Variants in SLC46A3 observed in about 807,000 individuals in gnomAD.
SLC46A3 encodes the protein lysosomal proton-coupled steroid conjugate and bile acid symporter SLC46A3.
A neutral mutation model predicts 38.5 loss-of-function variants in SLC46A3; 26 were observed. The ratio of observed to expected loss-of-function variants is 0.68; its 90% CI spans 0.49 to 0.94. The LOEUF is 0.94. Among genes scored for constraint, SLC46A3 ranks in the 40% least tolerant of loss-of-function variants. The pLI is 0.00. For missense variants in SLC46A3, 510 were observed against 544.3 expected, an observed-to-expected ratio of 0.94 and a Z score of 0.63; for synonymous variants, 185 against 192.5, an observed-to-expected ratio of 0.96 and a Z score of 0.32.
chr13:28,718,106 G>A, intron 1 of SLC46A3, 84 bp from the exon 2 acceptor site: 3 of 1,140,292 alleles, frequency 2.6e-6, no homozygotes, highest in South Asian at 3.1e-5. Context: ...GAGCAATTTT[G>A]TGGAGTAAAT....
At chr13:28,715,192 C>A (rs1885493591) in intron 2 of SLC46A3, among the ~76,000 whole-genome samples, 1 of 152,152 alleles carries the variant, frequency 6.6e-6, no homozygotes, top group Non-Finnish European at 1.5e-5. Flanking sequence ...GGTCTAAGAG[C>A]ACCAACTTTA....
intron 2 of SLC46A3, among the ~76,000 whole-genome samples, chr13:28,714,651 A>G (rs1488169514): frequency 6.6e-6 from 1 of 152,260 alleles, no homozygotes; most frequent in African/African-American, 2.4e-5. Flanking sequence ...TGGGAGGCTG[A>G]GGCAGAAGAA....
chr13:28,704,161 A>T (rs1204807975), intron 4 of SLC46A3, 62 bp from the exon 5 acceptor site: 1 of 1,437,854 alleles, frequency 7.0e-7, no homozygotes, highest in East Asian at 2.3e-5. Context: ...AACAACAAAC[A>T]CAAACTAATG....
rs1368493228 is a variant in SLC46A3, at chr13:28,713,132, A to G, written c.608T>C (p.Ile203Thr). 1 of 1,613,864 alleles carries G rather than the reference A, an allele frequency of 6.2e-7. No individual in the cohort carries two copies. Among genetic ancestry groups the G allele is most frequent in the Non-Finnish European group, 8.5e-7 (1 of 1,179,950 alleles). Reference protein sequence around the residue: ...ELGFEWSFLIIAVSLAVNLIY... With the variant: ...ELGFEWSFLITAVSLAVNLIY... ...CAAATTAACAGCAAGAGACACAGCA[A>G]TAATTAGAAACGACCACTCAAAACC... Residue 203 changes from isoleucine (I) to threonine (T), a missense_variant, in exon 3 of 6, where the codon ATT becomes ACT. Transcript: ENST00000266943.
chr13:28,716,524 G>A (rs1214376876), intron 2 of SLC46A3, among the ~76,000 whole-genome samples: 4 of 152,024 alleles, frequency 2.6e-5, no homozygotes, highest in Non-Finnish European at 5.9e-5. Context: ...TGAGCCGATC[G>A]AAGCTTCTCA....
chr13:28,717,400 G>A (rs573251530), intron 2 of SLC46A3, among the ~76,000 whole-genome samples: 1 of 151,482 alleles, frequency 6.6e-6, no homozygotes, highest in Non-Finnish European at 1.5e-5. Context: ...GAAGAATAGA[G>A]CAAGTGAGAG....
Position 28,717,858 on chromosome 13 carries a change from A to G in SLC46A3, c.141T>C (p.Ile47=), listed in dbSNP as rs756444146. The change falls in exon 2 of 6, where the codon ATT becomes ATC. Residue 47 remains isoleucine, a synonymous_variant. Transcript: ENST00000266943. The stretch of plus-strand genomic sequence containing the variant: ...TGCTTTTGTTTTTTTCACACTCAGA[A>G]ATATTGCTATCAGATGAAAAAGTGT... ...GNYTFSSDSN[I]SECEKNKSSP... 5.6e-6 allele frequency: 9 copies of G among 1,613,984 alleles called. No individual in the cohort carries two copies. The Admixed American group carries it at 1.0e-4, about 18-fold the overall frequency.
intron 3 of SLC46A3, among the ~76,000 whole-genome samples, chr13:28,711,217 G>T (rs1033194376): frequency 1.3e-5 from 2 of 152,118 alleles, no homozygotes; most frequent in African/African-American, 4.8e-5. Flanking sequence ...CTGAGTTCGG[G>T]AGTTCGAGAC....
chr13:28,707,100 C>T (rs1242809784), intron 4 of SLC46A3, among the ~76,000 whole-genome samples: 6 of 152,044 alleles, frequency 3.9e-5, no homozygotes, highest in Non-Finnish European at 5.9e-5. Context: ...CACATGCACA[C>T]GTATGTTTAT....
chr13:28,708,097 G>A (rs1406058813), intron 4 of SLC46A3, among the ~76,000 whole-genome samples: 1 of 152,158 alleles, frequency 6.6e-6, no homozygotes, highest in Non-Finnish European at 1.5e-5. Context: ...ATGAACATTT[G>A]CATAGGTTTC....
chr13:28,708,404 C>G (rs1885238799), intron 4 of SLC46A3, among the ~76,000 whole-genome samples: 1 of 152,148 alleles, frequency 6.6e-6, no homozygotes, highest in Non-Finnish European at 1.5e-5. Flanking sequence ...CTAATGATAT[C>G]CAGCATTTTC....
chr13:28,701,007 C>G lies in SLC46A3; in HGVS notation c.*490G>C, dbSNP rs1593183009. The stretch of plus-strand genomic sequence containing the variant: ...TAGGTAAAATCATACATATTTGAAA[C>G]TTATATCATTATTTTCCTACCAATG... On this transcript the variant is annotated 3_prime_UTR_variant, in exon 6 of 6. Transcript: ENST00000266943. 4.6e-6 allele frequency: 7 copies of G among 1,525,108 alleles called. No individual in the cohort carries two copies. The East Asian group carries it at 1.7e-4, about 38-fold the overall frequency. The allele number at this position is 1,525,108 out of a possible 1,614,324, so 94.5% of individuals were successfully genotyped here.
At chr13:28,710,465 G>A (rs1002152855) in intron 4 of SLC46A3, among the ~76,000 whole-genome samples, 5 of 152,238 alleles carry the variant, frequency 3.3e-5, no homozygotes, top group Admixed American at 3.3e-4. Context: ...AGTCTAGAAG[G>A]AAGGAGATGT....
chr13:28,707,399 G>A lies in SLC46A3; in HGVS notation c.1145-3300C>T, dbSNP rs1593186418. On this transcript the variant is annotated intron_variant, in intron 4 of 5. Coordinates refer to ENST00000266943, the MANE Select transcript of SLC46A3 (RefSeq NM_181785.4). Reference sequence around the variant, plus strand: ...GGAACATCACACACCGGGGCCTGTCGTGGAGTGGGGGGAGGGAGGAGGGGG... The same window carrying A: ...GGAACATCACACACCGGGGCCTGTCATGGAGTGGGGGGAGGGAGGAGGGGG... 2.3e-5 allele frequency among the ~76,000 whole-genome samples: 3 copies of A among 131,346 alleles called. No individual in the cohort carries two copies. In the East Asian group the frequency reaches 6.9e-4, roughly 30 times the overall value. 86.2% of individuals were successfully genotyped at this position (131,346 alleles called of 152,430 possible). A position where few individuals can be genotyped will look rare whatever the true frequency, so the allele number is the denominator to read the frequency against.
chr13:28,713,909 CA>C (rs1354748462), intron 2 of SLC46A3, among the ~76,000 whole-genome samples: 1 of 152,090 alleles, frequency 6.6e-6, no homozygotes, highest in Non-Finnish European at 1.5e-5. Flanking sequence ...TAATTTTATA[CA>C]ATATTTTAAA....
chr13:28,713,604 A>G (rs1271650184), intron 2 of SLC46A3, 54 bp from the exon 3 acceptor site: 12 of 1,514,904 alleles, frequency 7.9e-6, no homozygotes, highest in African/African-American at 1.4e-5. Context: ...CACAACGTGT[A>G]TAAAAATATC....
intron 5 of SLC46A3, among the ~76,000 whole-genome samples, chr13:28,703,315 G>A (rs1184722870): frequency 3.3e-5 from 5 of 152,162 alleles, no homozygotes; most frequent in Admixed American, 3.3e-4. Context: ...GAATCCATGT[G>A]AAAGTCAATC....
intron 4 of SLC46A3, among the ~76,000 whole-genome samples, chr13:28,710,466 AAGG>A (rs759956293): frequency 2.0e-5 from 3 of 152,204 alleles, no homozygotes; most frequent in Non-Finnish European, 4.4e-5. Flanking sequence ...GTCTAGAAGG[AAGG>A]AGATGTGGTG....
At chr13:28,705,510 G>A (rs1221896219) in intron 4 of SLC46A3, among the ~76,000 whole-genome samples, 2 of 152,078 alleles carry the variant, frequency 1.3e-5, no homozygotes, top group African/African-American at 2.4e-5. Context: ...TAAAACATAC[G>A]TCTATCTCTG....
Sources: allele counts gnomAD v4.1 joint callset (sites outside exome capture counted in the v4.1 genomes callset), GRCh38; gene constraint gnomAD v4.1.1; transcripts MANE v1.5; gene names NCBI Gene and HGNC (gene_info 2026-07-23, HGNC 2026-07-21).